Variants in CNTN6 observed in about 807,000 individuals in gnomAD.
CNTN6 encodes contactin-6.
CNTN6 carries 137 observed loss-of-function variants against 122.8 expected under a neutral mutation model. That is an observed-to-expected ratio of 1.12 (90% CI 0.97 to 1.29). The LOEUF (loss-of-function observed/expected upper bound fraction) is 1.29, where lower values mean the gene tolerates loss of function less well. Ranked by LOEUF, CNTN6 falls within the 50% of genes most tolerant of loss-of-function variation. CNTN6 has a pLI of 0.00. For synonymous variants in CNTN6, 570 were observed against 426.0 expected, an observed-to-expected ratio of 1.34 and a Z score of -4.16; for missense variants, 1,634 against 1,223.4, an observed-to-expected ratio of 1.34 and a Z score of -5.01.
At chr3:1,172,019 C>T (rs1165705163) in intron 2 of CNTN6, among the ~76,000 whole-genome samples, 2 of 152,170 alleles carry the variant, frequency 1.3e-5, no homozygotes, top group African/African-American at 4.8e-5. Flanking sequence ...CATTGAAGCT[C>T]TTGAGTCCCT....
chr3:1,155,100 C>T (rs2092933620), intron 2 of CNTN6, among the ~76,000 whole-genome samples: 1 of 152,166 alleles, frequency 6.6e-6, no homozygotes. Context: ...GCTTATCCCA[C>T]TATTGGTCCT....
At chr3:1,286,851 G>A (rs991966904) in intron 5 of CNTN6, among the ~76,000 whole-genome samples, 1 of 152,046 alleles carries the variant, frequency 6.6e-6, no homozygotes, top group Non-Finnish European at 1.5e-5. Flanking sequence ...ACACACATAG[G>A]CTCAAAATAA....
At chr3:1,243,782 A>C (rs1183133629) in intron 4 of CNTN6, among the ~76,000 whole-genome samples, 1 of 152,054 alleles carries the variant, frequency 6.6e-6, no homozygotes, top group Non-Finnish European at 1.5e-5. Context: ...GGGTGTGAGG[A>C]GGGGAGGCTG....
intron 1 of CNTN6, among the ~76,000 whole-genome samples, chr3:1,145,622 G>C (rs181546561): frequency 1.2e-4 from 19 of 152,246 alleles, no homozygotes; most frequent in Admixed American, 1.2e-3. Flanking sequence ...AAACTGTCCA[G>C]TGAAAACAAA....
At chr3:1,234,871 C>T (rs2125581010) in intron 4 of CNTN6, among the ~76,000 whole-genome samples, 1 of 152,130 alleles carries the variant, frequency 6.6e-6, no homozygotes, top group East Asian at 1.9e-4. Flanking sequence ...GCATAACCAC[C>T]AATTGTTATC....
chr3:1,355,202 A>G (rs1253755577), intron 12 of CNTN6, among the ~76,000 whole-genome samples: 1 of 151,646 alleles, frequency 6.6e-6, no homozygotes, highest in Non-Finnish European at 1.5e-5. Context: ...GAACTATCCT[A>G]TGCAATATAA....
chr3:1,301,289 C>T (rs1697371211), intron 7 of CNTN6, among the ~76,000 whole-genome samples: 1 of 152,066 alleles, frequency 6.6e-6, no homozygotes, highest in Non-Finnish European at 1.5e-5. Context: ...CCCATCTTGG[C>T]CTCCCAAAGT....
chr3:1,259,027 C>G (rs2094803859), intron 4 of CNTN6, among the ~76,000 whole-genome samples: 2 of 152,098 alleles, frequency 1.3e-5, no homozygotes, highest in South Asian at 4.1e-4. Flanking sequence ...TCCAATAAAA[C>G]TTTATTCACA....
rs184111137 is a variant in CNTN6 at position 1,350,568 on chromosome 3, T to G, written c.1365-1756T>G. Reference sequence around the variant, plus strand: ...TCAATGATGGCAATTTCAACTCGATTTAGCAAACATTGAAGACCTACTGAG... The same window carrying G: ...TCAATGATGGCAATTTCAACTCGATGTAGCAAACATTGAAGACCTACTGAG... On this transcript the variant is annotated intron_variant, in intron 11 of 22. Transcript: ENST00000446702. 6.1e-4 allele frequency among the ~76,000 whole-genome samples: 92 copies of G among 151,988 alleles called. 2 individuals carry two copies. Among genetic ancestry groups the G allele is most frequent in the African/African-American group, 1.9e-3 (77 of 41,534 alleles).
intron 2 of CNTN6, among the ~76,000 whole-genome samples, chr3:1,214,245 C>T: frequency 7.9e-6 from 1 of 127,308 alleles, no homozygotes; most frequent in African/African-American, 3.0e-5. Flanking sequence ...TTCATATTAG[C>T]TTTTTTATAT....
chr3:1,377,227 G>A (rs1710004613), intron 17 of CNTN6, 152 bp downstream of exon 17: 2 of 518,082 alleles, frequency 3.9e-6, no homozygotes, highest in Non-Finnish European at 6.6e-6. Context: ...TTATTTAGAG[G>A]AGGTATTAGG....
At chr3:1,387,759 G>A (rs1167709986) in intron 20 of CNTN6, among the ~76,000 whole-genome samples, 1 of 148,210 alleles carries the variant, frequency 6.7e-6, no homozygotes, top group East Asian at 2.0e-4. Context: ...GGAAGCGCAA[G>A]GGGTCAGGGA....
intron 2 of CNTN6, among the ~76,000 whole-genome samples, chr3:1,205,879 A>T (rs2093951251): frequency 6.6e-6 from 1 of 152,216 alleles, no homozygotes; most frequent in Non-Finnish European, 1.5e-5. Context: ...GAAAGCTGTT[A>T]CAAAAGCAAA....
At chr3:1,093,688 C>T (rs1204717565) in intron 1 of CNTN6, among the ~76,000 whole-genome samples, 1 of 152,136 alleles carries the variant, frequency 6.6e-6, no homozygotes, top group Non-Finnish European at 1.5e-5. Flanking sequence ...TGGCATTTTG[C>T]TTTATACCCA....
At chr3:1,205,304 AATTGTG>A (rs149927578) in intron 2 of CNTN6, among the ~76,000 whole-genome samples, 246 of 152,304 alleles carry the variant, frequency 1.6e-3, no homozygotes, top group Admixed American at 3.8e-3. Context: ...AAGATAGTAA[AATTGTG>A]TTGTTTTACA....
chr3:1,385,541 GTTGTTGGTAAAAAA>G, intron 19 of CNTN6, 56 bp from the exon 20 acceptor site: 1 of 1,267,486 alleles, frequency 7.9e-7, no homozygotes, highest in East Asian at 2.5e-5. Flanking sequence ...GTGGTTGATA[GTTGTTGGTAAAAAA>G]TGATTGATAG....
chr3:1,132,658 A>AAAAAT (rs1553603554), intron 1 of CNTN6, among the ~76,000 whole-genome samples: 1 of 144,402 alleles, frequency 6.9e-6, no homozygotes, highest in African/African-American at 2.6e-5. Flanking sequence ...CTCTGTCTAA[A>AAAAAT]AAATAAATAA....
At chr3:1,382,017 A>C (rs943704087) in intron 17 of CNTN6, among the ~76,000 whole-genome samples, 4 of 152,018 alleles carry the variant, frequency 2.6e-5, no homozygotes, top group African/African-American at 9.7e-5. Context: ...GAATAAAGAG[A>C]ACCTCTGAAA....
rs2090741832 is a variant in CNTN6, at chr3:1,099,332, TC to T, written c.-83+6215del. 2.0e-5 allele frequency among the ~76,000 whole-genome samples: 3 copies of T among 151,860 alleles called. No homozygotes were observed. In the South Asian group the frequency reaches 6.2e-4, roughly 32 times the overall value. The stretch of plus-strand genomic sequence containing the variant: ...AGGGTGTGGTGGCGGGCGCCTGTAG[TC>T]CCAGCTACTGGGGAGGCTGAGGCGG... On this transcript the variant is annotated intron_variant, in intron 1 of 22. Coordinates refer to ENST00000446702, the MANE Select transcript of CNTN6 (RefSeq NM_001289080.2).
Sources: gnomAD v4.1 joint callset for allele counts (sites outside exome capture counted in the v4.1 genomes callset) on GRCh38, gnomAD v4.1.1 for gene constraint, MANE v1.5 for transcripts, NCBI Gene and HGNC (gene_info 2026-07-23, HGNC 2026-07-21) for gene names.